SH3RF1: variants seen among roughly 807,000 people sequenced by gnomAD.
The protein encoded by SH3RF1 is E3 ubiquitin-protein ligase SH3RF1.
Under a neutral mutation model 74.0 loss-of-function variants are expected in SH3RF1, and 32 were observed. The observed-to-expected ratio is 0.43, with a 90% confidence interval of 0.33 to 0.58. The LOEUF is 0.58. SH3RF1 is among the 20% of genes least tolerant of loss of function. The pLI, the probability that SH3RF1 is intolerant of heterozygous loss-of-function variation, is 0.05. For synonymous variants in SH3RF1, 396 were observed against 439.6 expected, an observed-to-expected ratio of 0.90 and a Z score of 1.24; for missense variants, 954 against 1,130.9, an observed-to-expected ratio of 0.84 and a Z score of 2.24.
chr4:169,139,878 C>G (rs1733756354), intron 4 of SH3RF1, among the ~76,000 whole-genome samples: 1 of 152,190 alleles, frequency 6.6e-6, no homozygotes, highest in Non-Finnish European at 1.5e-5. Flanking sequence ...TAAGTTGGAG[C>G]CAATGATTTT....
chr4:169,188,836 G>A (rs759094993), intron 2 of SH3RF1, among the ~76,000 whole-genome samples: 11 of 152,328 alleles, frequency 7.2e-5, no homozygotes, highest in Admixed American at 1.3e-4. Flanking sequence ...TCAGCAAGGA[G>A]TGTTAAACAC....
intron 2 of SH3RF1, among the ~76,000 whole-genome samples, chr4:169,165,903 T>G (rs1734234451): frequency 6.6e-6 from 1 of 152,064 alleles, no homozygotes. Flanking sequence ...TAGAAGCCCA[T>G]GGGGAATAGA....
At chr4:169,153,819 A>C (rs1260357114) in intron 4 of SH3RF1, among the ~76,000 whole-genome samples, 1 of 152,190 alleles carries the variant, frequency 6.6e-6, no homozygotes, top group African/African-American at 2.4e-5. Context: ...GCAGAATGAA[A>C]ATACTTTCTA....
chr4:169,113,326 G>A (rs897082299), intron 10 of SH3RF1, among the ~76,000 whole-genome samples: 2 of 152,140 alleles, frequency 1.3e-5, no homozygotes, highest in African/African-American at 4.8e-5. Flanking sequence ...GGCCAGGCTG[G>A]TCTCAACTCC....
intron 4 of SH3RF1, among the ~76,000 whole-genome samples, chr4:169,149,107 A>G (rs1213301311): frequency 6.6e-6 from 1 of 152,104 alleles, no homozygotes; most frequent in Non-Finnish European, 1.5e-5. Context: ...TGAAGTGGGA[A>G]CTCCATAAAC....
At chr4:169,265,041 T>C (rs1179396814) in intron 2 of SH3RF1, among the ~76,000 whole-genome samples, 1 of 152,216 alleles carries the variant, frequency 6.6e-6, no homozygotes, top group African/African-American at 2.4e-5. Flanking sequence ...ACCCTCACGC[T>C]AAATGCAGGT....
At chr4:169,133,614 C>CTA (rs1733651681) in intron 5 of SH3RF1, among the ~76,000 whole-genome samples, 2 of 148,494 alleles carry the variant, frequency 1.3e-5, no homozygotes, top group South Asian at 4.3e-4. Flanking sequence ...CCCATCTCTA[C>CTA]TAAAAATATA....
At chr4:169,261,237 C>A (rs574880902) in intron 2 of SH3RF1, among the ~76,000 whole-genome samples, 1 of 152,334 alleles carries the variant, frequency 6.6e-6, no homozygotes, top group Non-Finnish European at 1.5e-5. Flanking sequence ...CTCCAAACCA[C>A]ACTCTTCCCC....
intron 7 of SH3RF1, among the ~76,000 whole-genome samples, 183 bp from the exon 8 acceptor site, chr4:169,121,172 A>G (rs112339706): frequency 3.3e-5 from 5 of 152,340 alleles, no homozygotes; most frequent in African/African-American, 1.2e-4. Context: ...TCTACATTTT[A>G]AAAGTAGGCA....
intron 2 of SH3RF1, among the ~76,000 whole-genome samples, chr4:169,222,956 A>G (rs578218864): frequency 1.4e-4 from 22 of 152,252 alleles, no homozygotes; most frequent in African/African-American, 5.1e-4. Flanking sequence ...CCTCGCATGG[A>G]TTTTTATGAG....
intron 2 of SH3RF1, among the ~76,000 whole-genome samples, chr4:169,190,716 A>G (rs1172154712): frequency 6.6e-6 from 1 of 152,192 alleles, no homozygotes; most frequent in Admixed American, 6.5e-5. Context: ...TCCCTAAATC[A>G]TTCTATGAAG....
intron 2 of SH3RF1, among the ~76,000 whole-genome samples, chr4:169,200,635 T>C (rs558571432): frequency 6.6e-6 from 1 of 152,308 alleles, no homozygotes; most frequent in South Asian, 2.1e-4. Context: ...GTATCATATG[T>C]ATTACTATGT....
chr4:169,136,681 G>A, intron 4 of SH3RF1, 61 bp from the exon 5 acceptor site: 1 of 1,437,498 alleles, frequency 7.0e-7, no homozygotes, highest in Non-Finnish European at 9.2e-7. Flanking sequence ...AATTCCCTGA[G>A]GTTTATTTCC....
intron 2 of SH3RF1, among the ~76,000 whole-genome samples, chr4:169,208,083 T>C (rs1239859698): frequency 6.6e-6 from 1 of 152,004 alleles, no homozygotes; most frequent in African/African-American, 2.4e-5. Flanking sequence ...ACATGAAACA[T>C]ACTAAAATAA....
intron 11 of SH3RF1, among the ~76,000 whole-genome samples, chr4:169,105,971 C>A (rs1015317996): frequency 2.6e-5 from 4 of 151,824 alleles, no homozygotes; most frequent in African/African-American, 9.7e-5. Context: ...ACACAAAATT[C>A]ATAAACTTTC....
At chr4:169,186,796 G>C (rs937752389) in intron 2 of SH3RF1, among the ~76,000 whole-genome samples, 2 of 150,146 alleles carry the variant, frequency 1.3e-5, no homozygotes, top group African/African-American at 4.9e-5. Flanking sequence ...CACGAGGTCA[G>C]GAGATCGAGA....
chr4:169,221,585 G>A (rs1317085403), intron 2 of SH3RF1, among the ~76,000 whole-genome samples: 1 of 152,026 alleles, frequency 6.6e-6, no homozygotes, highest in African/African-American at 2.4e-5. Flanking sequence ...ACATGCATTA[G>A]GCTAAAACGT....
intron 2 of SH3RF1, among the ~76,000 whole-genome samples, chr4:169,246,950 A>G (rs1449091568): frequency 6.6e-6 from 1 of 152,268 alleles, no homozygotes; most frequent in Admixed American, 6.5e-5. Flanking sequence ...GGGGGAAGCA[A>G]TAAAGTTCCA....
At chr4:169,139,077 G>C (rs1253992140) in intron 4 of SH3RF1, among the ~76,000 whole-genome samples, 1 of 152,136 alleles carries the variant, frequency 6.6e-6, no homozygotes, top group African/African-American at 2.4e-5. Flanking sequence ...TCAACCTCCT[G>C]AGTAGTTGGG....
Sources: gnomAD v4.1 joint callset for allele counts (sites outside exome capture counted in the v4.1 genomes callset) on GRCh38, gnomAD v4.1.1 for gene constraint, MANE v1.5 for transcripts, NCBI Gene and HGNC (gene_info 2026-07-23, HGNC 2026-07-21) for gene names.